SORCS1: variants seen among roughly 807,000 people sequenced by gnomAD.
The protein encoded by SORCS1 is sortilin related VPS10 domain containing receptor 1.
Under a neutral mutation model 146.1 loss-of-function variants are expected in SORCS1, and 60 were observed. The ratio of observed to expected loss-of-function variants is 0.41; its 90% CI spans 0.33 to 0.51. The LOEUF (loss-of-function observed/expected upper bound fraction) is 0.51, where lower values mean the gene tolerates loss of function less well. Among genes scored for constraint, SORCS1 ranks in the 20% least tolerant of loss-of-function variants. SORCS1 has a pLI of 0.21. For missense variants in SORCS1, 1,352 were observed against 1,487.6 expected, an observed-to-expected ratio of 0.91 and a Z score of 1.50; for synonymous variants, 637 against 584.0, an observed-to-expected ratio of 1.09 and a Z score of -1.31.
At chr10:106,798,345 T>A (rs569111063) in intron 3 of SORCS1, among the ~76,000 whole-genome samples, 1 of 152,364 alleles carries the variant, frequency 6.6e-6, no homozygotes, top group South Asian at 2.1e-4. Context: ...ACGTGCAGGT[T>A]TGTTACATAT....
intron 8 of SORCS1, among the ~76,000 whole-genome samples, chr10:106,700,548 C>G (rs1414136928): frequency 6.6e-6 from 1 of 152,180 alleles, no homozygotes; most frequent in African/African-American, 2.4e-5. Flanking sequence ...TTTCCAGATG[C>G]ACCATACTCT....
chr10:106,636,250 C>T (rs1367029689), intron 18 of SORCS1, among the ~76,000 whole-genome samples: 1 of 151,714 alleles, frequency 6.6e-6, no homozygotes, highest in Non-Finnish European at 1.5e-5. Flanking sequence ...ACAGAGTGAA[C>T]CACTCTCTCA....
At chr10:107,098,234 A>T (rs1964668404) in intron 1 of SORCS1, among the ~76,000 whole-genome samples, 1 of 152,110 alleles carries the variant, frequency 6.6e-6, no homozygotes, top group African/African-American at 2.4e-5. Flanking sequence ...CAACTTATCG[A>T]TATTGAACTC....
intron 1 of SORCS1, among the ~76,000 whole-genome samples, chr10:107,132,375 G>A (rs905154693): frequency 2.6e-5 from 4 of 152,130 alleles, no homozygotes; most frequent in South Asian, 2.1e-4. Context: ...TCTTAATTCC[G>A]GTGCCATATG....
intron 3 of SORCS1, among the ~76,000 whole-genome samples, chr10:106,813,040 A>G (rs1589451819): frequency 6.6e-6 from 1 of 152,004 alleles, no homozygotes; most frequent in Non-Finnish European, 1.5e-5. Flanking sequence ...TGCACCAAAC[A>G]TCAGCGAACT....
At chr10:107,066,642 T>C (rs1392133821) in intron 1 of SORCS1, among the ~76,000 whole-genome samples, 2 of 152,220 alleles carry the variant, frequency 1.3e-5, no homozygotes, top group African/African-American at 4.8e-5. Context: ...AAGATTCAAA[T>C]GTATACTTTG....
Position 107,087,952 on chromosome 10 carries a change from T to C in SORCS1, c.558+76017A>G, listed in dbSNP as rs190970427. On this transcript the variant is annotated intron_variant, in intron 1 of 25. Transcript: ENST00000263054. ...TATTTATTTTGAGACGGAGTCTCGC[T>C]CTGTCACCCAGGCTGCAGCACAGTG... is the stretch of plus-strand genomic sequence containing the variant. 2.6e-5 allele frequency among the ~76,000 whole-genome samples: 4 copies of C among 152,336 alleles called. No individual in the cohort carries two copies. The East Asian group carries it at 7.7e-4, about 29-fold the overall frequency.
chr10:106,669,710 A>G (rs1439732930), intron 16 of SORCS1, among the ~76,000 whole-genome samples: 1 of 152,202 alleles, frequency 6.6e-6, no homozygotes, highest in Non-Finnish European at 1.5e-5. Flanking sequence ...AGCTCCCTGA[A>G]GATTTGAGCT....
At chr10:106,791,636 T>C (rs1427387733) in intron 3 of SORCS1, among the ~76,000 whole-genome samples, 3 of 152,132 alleles carry the variant, frequency 2.0e-5, no homozygotes, top group Non-Finnish European at 4.4e-5. Flanking sequence ...GAGGCATAGG[T>C]TGCAGTGAGC....
intron 5 of SORCS1, among the ~76,000 whole-genome samples, chr10:106,735,414 A>C (rs1368767494): frequency 6.6e-6 from 1 of 152,196 alleles, no homozygotes; most frequent in African/African-American, 2.4e-5. Context: ...CCAATGAAGA[A>C]AGGGTTCTAA....
At chr10:106,829,364 T>C (rs1457387934) in intron 3 of SORCS1, among the ~76,000 whole-genome samples, 2 of 152,236 alleles carry the variant, frequency 1.3e-5, no homozygotes, top group African/African-American at 4.8e-5. Context: ...ATGGTAATGA[T>C]CTACCTATCC....
intron 17 of SORCS1, chr10:106,666,984 G>A (rs1851208198): frequency 1.3e-5 from 2 of 152,146 alleles, no homozygotes; most frequent in South Asian, 2.1e-4. Context: ...TGGCTCAAAT[G>A]TGCCTTTTTA....
At chr10:106,688,636 A>C (rs1411345857) in intron 9 of SORCS1, among the ~76,000 whole-genome samples, 2 of 152,160 alleles carry the variant, frequency 1.3e-5, no homozygotes, top group Non-Finnish European at 2.9e-5. Context: ...ATAAATTCTC[A>C]TGGTTTCAGC....
At chr10:106,892,981 G>A (rs1398803019) in intron 2 of SORCS1, among the ~76,000 whole-genome samples, 3 of 147,538 alleles carry the variant, frequency 2.0e-5, no homozygotes, top group African/African-American at 7.6e-5. Flanking sequence ...TGCCACCTCC[G>A]CCTCCCAGGT....
At chr10:106,618,395 G>T (rs1043091842) in intron 20 of SORCS1, 123 bp from the exon 21 acceptor site, 24 of 1,236,860 alleles carry the variant, frequency 1.9e-5, no homozygotes, top group Non-Finnish European at 2.5e-5. Context: ...GTACCACAAT[G>T]GCACTGAGTC....
chr10:106,977,346 C>T (rs931469516), intron 1 of SORCS1, among the ~76,000 whole-genome samples: 1 of 152,132 alleles, frequency 6.6e-6, no homozygotes, highest in African/African-American at 2.4e-5. Flanking sequence ...TGAGAAGTGT[C>T]TGCTCATATC....
intron 3 of SORCS1, among the ~76,000 whole-genome samples, chr10:106,795,207 C>T (rs1048975742): frequency 1.1e-4 from 16 of 152,250 alleles, no homozygotes; most frequent in African/African-American, 3.9e-4. Flanking sequence ...TTATTAAAGT[C>T]TTTGGAAAGT....
chr10:107,176,783 C>A, the SORCS1 span, among the ~76,000 whole-genome samples: 1 of 152,148 alleles, frequency 6.6e-6, no homozygotes, highest in Non-Finnish European at 1.5e-5. Flanking sequence ...ATGTTCCAAG[C>A]ACACTTGAAT....
At chr10:107,147,057 A>G (rs192167067) in intron 1 of SORCS1, among the ~76,000 whole-genome samples, 4 of 152,220 alleles carry the variant, frequency 2.6e-5, no homozygotes, top group Non-Finnish European at 5.9e-5. Flanking sequence ...ATTTAATTGA[A>G]ATTCTATCAT....
Sources: allele counts gnomAD v4.1 joint callset (sites outside exome capture counted in the v4.1 genomes callset), GRCh38; gene constraint gnomAD v4.1.1; transcripts MANE v1.5; gene names NCBI Gene and HGNC (gene_info 2026-07-23, HGNC 2026-07-21).